Variants in NFAT5 observed in about 807,000 individuals in gnomAD.
The protein encoded by NFAT5 is nuclear factor of activated T-cells 5.
Under a neutral mutation model 166.5 loss-of-function variants are expected in NFAT5, and 31 were observed. That is an observed-to-expected ratio of 0.19 (90% CI 0.14 to 0.25). The LOEUF (loss-of-function observed/expected upper bound fraction) is 0.25. Ranked by LOEUF, NFAT5 falls within the 10% of genes least tolerant of loss-of-function variation. The probability of loss-of-function intolerance (pLI) is 1.00; values close to 1 mark genes in which losing one functional copy is unlikely to be tolerated. For synonymous variants in NFAT5, 612 were observed against 639.7 expected (o/e 0.96, Z 0.65); for missense variants, 1,449 against 1,821.8 (o/e 0.80, Z 3.72).
intron 2 of NFAT5, among the ~76,000 whole-genome samples, chr16:69,588,452 C>G (rs954459587): frequency 2.0e-5 from 3 of 152,072 alleles, no homozygotes; most frequent in African/African-American, 7.2e-5. Context: ...ATTGCTAATC[C>G]TAAAATATAA....
intron 2 of NFAT5, among the ~76,000 whole-genome samples, chr16:69,593,051 G>A (rs149862372): frequency 1.2e-3 from 181 of 152,154 alleles, no homozygotes; most frequent in African/African-American, 4.0e-3. Flanking sequence ...GATTAGTTGC[G>A]TTAGTGTCAA....
At chr16:69,625,954 TA>T (rs200485842) in intron 2 of NFAT5, among the ~76,000 whole-genome samples, 32 of 148,024 alleles carry the variant, frequency 2.2e-4, no homozygotes, top group Middle Eastern at 3.5e-3. Context: ...AAATAAAAAA[TA>T]AAAAAATTTT....
Position 69,684,887 on chromosome 16 carries a change from C to G in NFAT5, c.1691C>G (p.Ala564Gly). Residue 564 changes from alanine (A) to glycine (G), a missense_variant and splice_region_variant, in exon 11 of 15, where the codon GCA becomes GGA. Physicochemically the swap from Ala to Gly is moderately conservative, Grantham distance 60 (BLOSUM62 0). Around this residue, in one of 7 missense-constraint regions of NFAT5, gnomAD observed 245 missense variants for 366.6 expected, o/e 0.67. Transcript: ENST00000349945. Reference sequence around the variant, plus strand: ...AATACATTAATCTTTTTTTTAATAGCAGCAGCTGGTGCTTTGAATGTAAAT... The same window carrying G: ...AATACATTAATCTTTTTTTTAATAGGAGCAGCTGGTGCTTTGAATGTAAAT... ...VQPFTYTPDP[A>G]AAGALNVNVK... 6.3e-7 allele frequency: 1 copy of G among 1,593,400 alleles called. No homozygotes were observed.
At chr16:69,683,061 A>G (rs187671079) in intron 10 of NFAT5, among the ~76,000 whole-genome samples, 5 of 152,274 alleles carry the variant, frequency 3.3e-5, no homozygotes, top group African/African-American at 1.2e-4. Flanking sequence ...AAAATACAAA[A>G]TTAACAGGGT....
rs746931663 is a variant in NFAT5 at position 69,647,509 on chromosome 16, C to T, written c.735C>T (p.Ala245=). 1.3e-5 allele frequency: 21 copies of T among 1,608,970 alleles called. No homozygotes were observed. Among genetic ancestry groups the T allele is most frequent in the East Asian group, 2.2e-5 (1 of 44,898 alleles). The stretch of plus-strand genomic sequence containing the variant: ...AATCTAATATGGATATATTTGATGC[C>T]GACAGTGCCAAAGCACCTCACTATG... ...CEESNMDIFD[A]DSAKAPHYVL... Residue 245 remains alanine (A), a synonymous_variant, in exon 4 of 15, where the codon GCC becomes GCT. Coordinates refer to ENST00000349945, the MANE Select transcript of NFAT5 (RefSeq NM_138713.4). The surrounding 1 kb of genome is among the most constrained non-coding windows in gnomAD (Gnocchi z 4.8).
intron 11 of NFAT5, among the ~76,000 whole-genome samples, chr16:69,688,413 T>C (rs2037415538): frequency 6.6e-6 from 1 of 152,108 alleles, no homozygotes; most frequent in African/African-American, 2.4e-5. Context: ...TCTTGCTTTG[T>C]TGCCCAGGCT....
chr16:69,674,116 G>A (rs150443486), intron 9 of NFAT5, among the ~76,000 whole-genome samples: 10,414 of 151,824 alleles, frequency 0.069, 435 homozygotes, highest in African/African-American at 0.1. Flanking sequence ...GGTGGCATAT[G>A]CCTGTAATCC....
At chr16:69,685,168 TTTTATA>T (rs1477832668) in intron 11 of NFAT5, 198 bp downstream of exon 11, 4 of 121,240 alleles carry the variant, frequency 3.3e-5, no homozygotes, top group Non-Finnish European at 4.5e-5. Context: ...CTGAATATGT[TTTTATA>T]TATATATATA....
chr16:69,659,722 A>G lies in NFAT5; in HGVS notation c.1197-5A>G. On this transcript the variant is annotated splice_polypyrimidine_tract_variant and splice_region_variant and intron_variant, in intron 6 of 14. Coordinates refer to ENST00000349945, the MANE Select transcript of NFAT5 (RefSeq NM_138713.4). ...GTCCCTTTATATATTTTTTTTCTGT[A>G]TTAGGGTGGACTGCGTAGGGATATT... 2 of 1,594,290 alleles carry G rather than the reference A, an allele frequency of 1.3e-6. No individual in the cohort carries two copies. Among genetic ancestry groups the G allele is most frequent in the South Asian group, 1.1e-5 (1 of 87,228 alleles).
chr16:69,611,241 G>T (rs1260505559), intron 2 of NFAT5, among the ~76,000 whole-genome samples: 1 of 152,126 alleles, frequency 6.6e-6, no homozygotes, highest in African/African-American at 2.4e-5. Flanking sequence ...ATATAATATG[G>T]TTAGCTGTTA....
intron 3 of NFAT5, among the ~76,000 whole-genome samples, chr16:69,641,178 T>C (rs1022051173): frequency 6.8e-5 from 10 of 147,762 alleles, no homozygotes; most frequent in African/African-American, 2.5e-4. Context: ...CTCGGGAGGC[T>C]GAGGCAGGAG....
chr16:69,686,113 C>G (rs1232664472), intron 11 of NFAT5: 2 of 152,190 alleles, frequency 1.3e-5, no homozygotes, highest in African/African-American at 4.8e-5. Context: ...CTTTGGGAGG[C>G]TGAGCTTGGC....
intron 2 of NFAT5, among the ~76,000 whole-genome samples, chr16:69,594,313 A>C (rs2032657197): frequency 6.6e-6 from 1 of 152,232 alleles, no homozygotes. Flanking sequence ...GACAATTGTA[A>C]CACAATAGTA....
Position 69,700,603 on chromosome 16 carries a change from A to T in NFAT5, c.*4252A>T, listed in dbSNP as rs553068156. ...TTTTCTGATGAAGATTTCTGTTCCA[A>T]TATCTGTTTCCTAATAGATTTTTTA... On this transcript the variant is annotated 3_prime_UTR_variant, in exon 15 of 15. Transcript: ENST00000349945. 3.3e-5 allele frequency: 5 copies of T among 152,300 alleles called. No individual in the cohort carries two copies. The East Asian group carries it at 9.6e-4, about 29-fold the overall frequency. 9.4% of individuals were successfully genotyped at this position (152,300 alleles called of 1,614,324 possible). A position where few individuals can be genotyped will look rare whatever the true frequency, so the allele number is the denominator to read the frequency against.
chr16:69,648,468 AT>A (rs1446978590), intron 4 of NFAT5: 23 of 984,078 alleles, frequency 2.3e-5, no homozygotes, highest in African/African-American at 3.5e-5. Context: ...TAAATCACTC[AT>A]TTTTTTTCTG....
intron 3 of NFAT5, among the ~76,000 whole-genome samples, chr16:69,639,440 C>T (rs1300762209): frequency 6.6e-6 from 1 of 152,052 alleles, no homozygotes; most frequent in African/African-American, 2.4e-5. Flanking sequence ...AGATTAAAAA[C>T]TGGAGAGTAA....
At chr16:69,625,123 A>G (rs578034836) in intron 2 of NFAT5, among the ~76,000 whole-genome samples, 16 of 152,064 alleles carry the variant, frequency 1.1e-4, no homozygotes, top group African/African-American at 3.9e-4. Context: ...GCTGGTCTCG[A>G]ACTCCTGACT....
intron 2 of NFAT5, among the ~76,000 whole-genome samples, chr16:69,602,275 T>C (rs1415671514): frequency 6.6e-6 from 1 of 151,634 alleles, no homozygotes; most frequent in African/African-American, 2.4e-5. Context: ...ATTATCTTTT[T>C]TTTTTTTTTT....
chr16:69,568,376 GTATATA>G (rs144294785), intron 1 of NFAT5, 113 bp from the exon 2 acceptor site: 7,716 of 287,628 alleles, frequency 0.027, 120 homozygotes, highest in Non-Finnish European at 0.032. Flanking sequence ...GTGTGTGTGT[GTATATA>G]TATATATATA....
Sources: allele counts gnomAD v4.1 joint callset (sites outside exome capture counted in the v4.1 genomes callset), GRCh38; gene constraint gnomAD v4.1.1; regional missense constraint gnomAD v4.1.1; non-coding constraint Gnocchi (gnomAD v3.1); transcripts MANE v1.5; gene names NCBI Gene and HGNC (gene_info 2026-07-23, HGNC 2026-07-21).